The following CSMD1 variants were observed in gnomAD, a reference collection of about 807,000 sequenced individuals.
CSMD1 encodes the protein CUB and sushi domain-containing protein 1.
A neutral mutation model predicts 417.5 loss-of-function variants in CSMD1; 213 were observed. That is an observed-to-expected ratio of 0.51 (90% confidence interval 0.46 to 0.57). CSMD1 has a LOEUF of 0.57. Ranked by LOEUF, CSMD1 falls within the 20% of genes least tolerant of loss-of-function variation. The pLI, the probability that CSMD1 is intolerant of heterozygous loss-of-function variation, is 0.00. For synonymous variants in CSMD1, 2,862 were observed against 1,736.8 expected (o/e 1.65, Z -16.11); for missense variants, 6,923 against 4,529.7 (o/e 1.53, Z -15.17).
At position 4,093,326 on chromosome 8, in the gene CSMD1, G is replaced by A. The variant is rs186974496; in HGVS notation, c.416-61227C>T. Among the ~76,000 whole-genome samples, 397 of 152,192 alleles carry A rather than the reference G, an allele frequency of 2.6e-3. 2 individuals are homozygous for A. The highest frequency in any genetic ancestry group is 4.8e-3 in the Non-Finnish European group (328 of 68,012). ...AAATAAACCAGGTTTTAATTTCCAT[G>A]AAGTAAATACAAATGTAGAAGAATA... On this transcript the variant is annotated intron_variant, in intron 3 of 69. Transcript: ENST00000635120.
At chr8:4,088,908 A>G (rs1800570563) in intron 3 of CSMD1, among the ~76,000 whole-genome samples, 1 of 152,044 alleles carries the variant, frequency 6.6e-6, no homozygotes. Flanking sequence ...TCATTTTTAT[A>G]TTCAGCGAAA....
chr8:3,287,629 T>C (rs1484772149), intron 25 of CSMD1, among the ~76,000 whole-genome samples: 2 of 152,194 alleles, frequency 1.3e-5, no homozygotes, highest in Non-Finnish European at 2.9e-5. Flanking sequence ...ATGAGAATGC[T>C]TGTGATTTTT....
intron 5 of CSMD1, among the ~76,000 whole-genome samples, chr8:3,918,586 C>A (rs140825990): frequency 1.3e-5 from 2 of 152,062 alleles, no homozygotes; most frequent in Non-Finnish European, 2.9e-5. Flanking sequence ...TGGACATTAA[C>A]CCCTTATTGA....
chr8:3,897,763 A>C (rs1219616418), intron 5 of CSMD1, among the ~76,000 whole-genome samples: 3 of 152,142 alleles, frequency 2.0e-5, no homozygotes, highest in Non-Finnish European at 2.9e-5. Context: ...ACATTCTGTG[A>C]TATCATTTGC....
At chr8:3,669,827 G>A (rs1446610434) in intron 7 of CSMD1, among the ~76,000 whole-genome samples, 2 of 152,120 alleles carry the variant, frequency 1.3e-5, no homozygotes, top group South Asian at 4.1e-4. Flanking sequence ...CAGAGAACAG[G>A]ACACAGTGGG....
intron 1 of CSMD1, among the ~76,000 whole-genome samples, chr8:4,822,273 C>G (rs937652953): frequency 3.9e-5 from 6 of 152,118 alleles, no homozygotes; most frequent in Admixed American, 2.0e-4. Flanking sequence ...GATTATGGGT[C>G]TTGCTGTCTT....
intron 40 of CSMD1, among the ~76,000 whole-genome samples, chr8:3,142,992 A>G (rs74446927): frequency 0.053 from 8,102 of 152,254 alleles, 230 homozygotes; most frequent in Non-Finnish European, 0.067. Context: ...GCACACACGC[A>G]CTCGGGGATG....
intron 5 of CSMD1, among the ~76,000 whole-genome samples, chr8:3,877,277 G>A (rs930583490): frequency 1.3e-5 from 2 of 152,148 alleles, no homozygotes. Context: ...GGCCCTTGAT[G>A]CGTGGTGAAA....
chr8:3,825,587 G>C (rs200463746), intron 5 of CSMD1, among the ~76,000 whole-genome samples: 1 of 143,314 alleles, frequency 7.0e-6, no homozygotes, highest in Non-Finnish European at 1.5e-5. Context: ...CTAGAAGAGT[G>C]GGGGAAGGGA....
chr8:4,586,339 T>C (rs1030914410), intron 2 of CSMD1, among the ~76,000 whole-genome samples: 3 of 152,262 alleles, frequency 2.0e-5, no homozygotes, highest in African/African-American at 7.2e-5. Flanking sequence ...TAATTGCTTG[T>C]GTAGAGATAG....
chr8:4,335,323 C>T (rs1406269898), intron 3 of CSMD1, among the ~76,000 whole-genome samples: 1 of 152,086 alleles, frequency 6.6e-6, no homozygotes. Flanking sequence ...ATTTCAACCT[C>T]GGACTTTTGT....
chr8:4,930,654 A>G (rs1052144440), intron 1 of CSMD1, among the ~76,000 whole-genome samples: 1 of 152,196 alleles, frequency 6.6e-6, no homozygotes, highest in African/African-American at 2.4e-5. Flanking sequence ...AAACCCAGAA[A>G]CATTAATATT....
chr8:3,959,617 G>A (rs111389712), intron 5 of CSMD1, among the ~76,000 whole-genome samples: 42 of 152,288 alleles, frequency 2.8e-4, no homozygotes, highest in African/African-American at 1.0e-3. Flanking sequence ...CCAAATCACA[G>A]CATCTCACTT....
At chr8:3,830,033 C>G (rs763306814) in intron 5 of CSMD1, among the ~76,000 whole-genome samples, 4 of 152,134 alleles carry the variant, frequency 2.6e-5, no homozygotes, top group African/African-American at 9.7e-5. Context: ...TCAGGTCTAA[C>G]TCTTCTAATA....
chr8:4,826,567 G>T (rs775584022), intron 1 of CSMD1, among the ~76,000 whole-genome samples: 2 of 152,118 alleles, frequency 1.3e-5, no homozygotes, highest in African/African-American at 4.8e-5. Context: ...CCAAGTTAGC[G>T]TAGTTGGGAT....
chr8:4,319,114 G>C (rs902241914), intron 3 of CSMD1, among the ~76,000 whole-genome samples: 1 of 152,064 alleles, frequency 6.6e-6, no homozygotes, highest in Non-Finnish European at 1.5e-5. Flanking sequence ...ACAAAGTAAG[G>C]AGGATTTTAA....
chr8:3,674,477 T>A (rs1267079550), intron 7 of CSMD1, among the ~76,000 whole-genome samples: 2 of 152,094 alleles, frequency 1.3e-5, no homozygotes, highest in Admixed American at 1.3e-4. Context: ...CAAAAAATGA[T>A]CACTACTCTT....
chr8:3,036,978 C>G (rs930015054), intron 50 of CSMD1, among the ~76,000 whole-genome samples: 21 of 152,244 alleles, frequency 1.4e-4, no homozygotes, highest in Non-Finnish European at 2.4e-4. Context: ...ATCTTCCTAT[C>G]TATCATCCCC....
chr8:4,679,081 G>T (rs1584934943), intron 1 of CSMD1, among the ~76,000 whole-genome samples: 1 of 152,064 alleles, frequency 6.6e-6, no homozygotes, highest in African/African-American at 2.4e-5. Context: ...CCTCCCTCAG[G>T]TAGCCTCACA....
Sources: allele counts gnomAD v4.1 joint callset (sites outside exome capture counted in the v4.1 genomes callset), GRCh38; gene constraint gnomAD v4.1.1; transcripts MANE v1.5; gene names NCBI Gene and HGNC (gene_info 2026-07-23, HGNC 2026-07-21).